CSNK1E: variants seen among roughly 807,000 people sequenced by gnomAD.
CSNK1E encodes the protein casein kinase I isoform epsilon.
In CSNK1E, 17 loss-of-function variants were observed where a neutral mutation model predicts 46.1. The observed-to-expected ratio is 0.37, with a 90% CI of 0.25 to 0.55. The LOEUF is 0.55. CSNK1E is among the 20% of genes least tolerant of loss of function. The pLI, the probability that CSNK1E is intolerant of heterozygous loss-of-function variation, is 0.82. For missense variants in CSNK1E, 386 were observed against 595.4 expected (o/e 0.65, Z 3.66); for synonymous variants, 241 against 242.6 (o/e 0.99, Z 0.06).
chr22:38,294,540 G>C lies in CSNK1E; in HGVS notation c.886-6C>G. On this transcript the variant is annotated splice_polypyrimidine_tract_variant and splice_region_variant and intron_variant, in intron 7 of 10. Transcript: ENST00000396832. The surrounding 1 kb of genome is among the most constrained non-coding windows in gnomAD (Gnocchi z 5.5). ...TCGGGATTCCGGGCTGCACCCTGCA[G>C]GGATGCAAGAAAAGACACCAGTCAG... 6.3e-7 allele frequency: 1 copy of C among 1,577,224 alleles called. No homozygotes were observed. The highest frequency in any genetic ancestry group is 8.6e-7 in the Non-Finnish European group (1 of 1,163,396).
At position 38,298,851 on chromosome 22, in the gene CSNK1E, G is replaced by A; in HGVS notation, c.820C>T (p.Arg274Cys). 2 of 1,614,166 alleles carry A rather than the reference G, an allele frequency of 1.2e-6. No homozygotes were observed. Among genetic ancestry groups the A allele is most frequent in the Non-Finnish European group, 8.5e-7 (1 of 1,180,030 alleles). ...PDYSYLRQLF[R>C]NLFHRQGFSY... ...AAGCCCTGCCGGTGGAAGAGGTTGCGGAAGAGCTGACGTAGGTAAGAGTAG... is the reference window on the plus strand; with the variant it reads ...AAGCCCTGCCGGTGGAAGAGGTTGCAGAAGAGCTGACGTAGGTAAGAGTAG... The change falls in exon 7 of 11, where the codon CGC (arginine) becomes TGC (cysteine). Residue 274 changes from arginine (R) to cysteine (C), a missense_variant. Arg to Cys is a radical substitution (Grantham distance 180). Transcript: ENST00000396832. The surrounding 1 kb of genome is among the most constrained non-coding windows in gnomAD (Gnocchi z 4.2).
chr22:38,296,867 TG>T, intron 7 of CSNK1E: 1 of 707,002 alleles, frequency 1.4e-6, no homozygotes, highest in Non-Finnish European at 2.3e-6. Context: ...CTCTGCCTCC[TG>T]GGTTCAAGCG....
At chr22:38,313,232 C>T (rs1569083814) in intron 2 of CSNK1E, among the ~76,000 whole-genome samples, 2 of 152,156 alleles carry the variant, frequency 1.3e-5, no homozygotes. Context: ...AGGAGGGTAA[C>T]CAAGGCACAG....
At position 38,294,631 on chromosome 22, in the gene CSNK1E, T is replaced by G. The variant is rs1453994450; in HGVS notation, c.886-97A>C. 2 of 1,202,728 alleles carry G rather than the reference T, an allele frequency of 1.7e-6. No homozygotes were observed. The highest frequency in any genetic ancestry group is 3.1e-5 in the African/African-American group (2 of 64,000). The allele number at this position is 1,202,728 out of a possible 1,614,324, so 74.5% of individuals were successfully genotyped here. A position where few individuals can be genotyped will look rare whatever the true frequency, so the allele number is the denominator to read the frequency against. ...GGCACAGAAGGGGAGGGAGGCCAGGTGGATATCTCAGAAACCTTCTGCTCC... is the reference window on the plus strand; with the variant it reads ...GGCACAGAAGGGGAGGGAGGCCAGGGGGATATCTCAGAAACCTTCTGCTCC... On this transcript the variant is annotated intron_variant, in intron 7 of 10. Coordinates refer to ENST00000396832, the MANE Select transcript of CSNK1E (RefSeq NM_152221.3). This position sits in a 1 kb window ranked among gnomAD's most constrained non-coding sequence, Gnocchi z 5.5.
chr22:38,302,754 G>T, intron 4 of CSNK1E, 107 bp downstream of exon 4: 1 of 1,316,928 alleles, frequency 7.6e-7, no homozygotes, highest in Non-Finnish European at 1.1e-6. Flanking sequence ...AGTGGACAAG[G>T]TCCCCTGGCC....
intron 1 of CSNK1E, among the ~76,000 whole-genome samples, chr22:38,315,384 C>T (rs1057187055): frequency 2.0e-5 from 3 of 152,206 alleles, no homozygotes; most frequent in African/African-American, 7.2e-5. Context: ...GCTCACCAGC[C>T]CTCCACCAAT....
chr22:38,305,231 G>T (rs1224437202), intron 2 of CSNK1E, among the ~76,000 whole-genome samples: 2 of 151,218 alleles, frequency 1.3e-5, no homozygotes, highest in Non-Finnish European at 2.9e-5. Context: ...ACGAAAGAAA[G>T]GAAAAAGATT....
rs1236113329 is a variant in CSNK1E, at chr22:38,297,977, G to C, written c.885+809C>G. ...CCACCGGCCTATCTGGGGGGCTCTGGGTGCCCAGGGGAGCCGGGCACCTGA... is the reference window on the plus strand; with the variant it reads ...CCACCGGCCTATCTGGGGGGCTCTGCGTGCCCAGGGGAGCCGGGCACCTGA... On this transcript the variant is annotated intron_variant, in intron 7 of 10. Transcript: ENST00000396832. 7.0e-6 allele frequency: 8 copies of C among 1,137,106 alleles called. No homozygotes were observed. In the African/African-American group the frequency reaches 1.4e-4, roughly 19 times the overall value. The allele number at this position is 1,137,106 out of a possible 1,614,324, so 70.4% of individuals were successfully genotyped here. A position where few individuals can be genotyped will look rare whatever the true frequency, so the allele number is the denominator to read the frequency against.
chr22:38,313,214 A>C (rs1453657717), intron 2 of CSNK1E, among the ~76,000 whole-genome samples: 2 of 152,042 alleles, frequency 1.3e-5, no homozygotes, highest in Non-Finnish European at 2.9e-5. Context: ...GCTGATTTTC[A>C]TTTTCCAAGG....
chr22:38,293,924 G>A (rs1170281476), intron 9 of CSNK1E, 185 bp downstream of exon 9: 4 of 671,816 alleles, frequency 6.0e-6, no homozygotes, highest in Admixed American at 5.9e-5. Context: ...GAATGACTTT[G>A]CTCAAGAGGG....
chr22:38,294,181 C>T lies in CSNK1E; in HGVS notation c.1146G>A (p.Arg382=). The part of the protein sequence containing the change: ...RERKVSMRLH[R]GAPANVSSSD... Reference sequence around the variant, plus strand: ...AGGAGGAGACGTTGGCGGGCGCACCCCTGTGCAGCCTCATACTCACCTTCC... The same window carrying T: ...AGGAGGAGACGTTGGCGGGCGCACCTCTGTGCAGCCTCATACTCACCTTCC... Residue 382 remains arginine (R), a synonymous_variant, in exon 9 of 11, where the codon AGG becomes AGA. Transcript: ENST00000396832. This position sits in a 1 kb window ranked among gnomAD's most constrained non-coding sequence, Gnocchi z 5.5. 3 of 1,612,638 alleles carry T rather than the reference C, an allele frequency of 1.9e-6. No individual in the cohort carries two copies. Among genetic ancestry groups the T allele is most frequent in the Non-Finnish European group, 2.5e-6 (3 of 1,179,878 alleles).
At chr22:38,307,416 C>T (rs552530888) in intron 2 of CSNK1E, among the ~76,000 whole-genome samples, 47 of 151,858 alleles carry the variant, frequency 3.1e-4, no homozygotes, top group African/African-American at 1.1e-3. Context: ...AAGGTGCTCC[C>T]GTGGGAGCGC....
chr22:38,310,680 A>G (rs1408815017), intron 2 of CSNK1E, among the ~76,000 whole-genome samples: 2 of 152,206 alleles, frequency 1.3e-5, no homozygotes, highest in African/African-American at 2.4e-5. Context: ...TGGACCCTGC[A>G]TGGGCAACAG....
At chr22:38,314,029 C>T in intron 2 of CSNK1E, 53 bp downstream of exon 2, 1 of 1,515,282 alleles carries the variant, frequency 6.6e-7, no homozygotes, top group Non-Finnish European at 9.2e-7. Flanking sequence ...CTTTCCTCCT[C>T]TTGGTCCCAT....
chr22:38,297,869 G>C, intron 7 of CSNK1E: 1 of 1,040,048 alleles, frequency 9.6e-7, no homozygotes, highest in Non-Finnish European at 1.2e-6. Context: ...ATGGGCTCAG[G>C]CACACCTGGC....
intron 1 of CSNK1E, among the ~76,000 whole-genome samples, chr22:38,315,291 C>A (rs928118682): frequency 1.3e-5 from 2 of 152,234 alleles, no homozygotes; most frequent in Non-Finnish European, 2.9e-5. Context: ...AACAACCAGG[C>A]CAGCCTGGGA....
chr22:38,298,233 T>G lies in CSNK1E; in HGVS notation c.885+553A>C, dbSNP rs918672316. ...TCCAGAAGAGATGTGAAACAAGACA[T>G]ACAATTTCACAGATTCCAGAGCTCT... On this transcript the variant is annotated intron_variant, in intron 7 of 10. Coordinates refer to ENST00000396832, the MANE Select transcript of CSNK1E (RefSeq NM_152221.3). The surrounding 1 kb of genome is among the most constrained non-coding windows in gnomAD (Gnocchi z 4.2). The G allele has an allele frequency of 2.3e-6, 3 of 1,299,254 alleles. No individual in the cohort carries two copies. The highest frequency in any genetic ancestry group is 3.0e-5 in the African/African-American group (2 of 65,862). The allele number at this position is 1,299,254 out of a possible 1,614,324, so 80.5% of individuals were successfully genotyped here. A position where few individuals can be genotyped will look rare whatever the true frequency, so the allele number is the denominator to read the frequency against.
intron 10 of CSNK1E, chr22:38,292,639 A>C (rs2092617281): frequency 1.3e-5 from 2 of 152,802 alleles, no homozygotes; most frequent in Non-Finnish European, 2.9e-5. Flanking sequence ...TTCCCCAGAG[A>C]GCTCAGATTA....
In CSNK1E at chr22:38,299,917, C is replaced by A. The variant is rs555620365; in HGVS notation, c.714G>T (p.Glu238Asp). ...CACAGGGATAGCCTTTGCAGAGGAC[C>A]TCGATGGGCGTTGACATCTTCTTCT... ...ISEKKMSTPI[E>D]VLCKGYPSEF... Residue 238 changes from glutamate (E) to aspartate (D), a missense_variant, in exon 6 of 11, where the codon GAG (glutamate) becomes GAT (aspartate). Transcript: ENST00000396832. 6.2e-7 allele frequency: 1 copy of A among 1,614,174 alleles called. No homozygotes were observed. Among genetic ancestry groups the A allele is most frequent in the Non-Finnish European group, 8.5e-7 (1 of 1,180,004 alleles).
Sources: allele counts gnomAD v4.1 joint callset (sites outside exome capture counted in the v4.1 genomes callset), GRCh38; gene constraint gnomAD v4.1.1; non-coding constraint Gnocchi (gnomAD v3.1); transcripts MANE v1.5; gene names NCBI Gene and HGNC (gene_info 2026-07-23, HGNC 2026-07-21).